KCNAB2: variants seen among roughly 807,000 people sequenced by gnomAD.
KCNAB2 encodes voltage-gated potassium channel subunit beta-2.
A neutral mutation model predicts 63.6 loss-of-function variants in KCNAB2; 29 were observed. The observed-to-expected ratio is 0.46, with a 90% CI of 0.34 to 0.62. KCNAB2 has a LOEUF of 0.62. Among genes scored for constraint, KCNAB2 ranks in the 20% least tolerant of loss-of-function variants. KCNAB2 has a pLI of 0.01. For synonymous variants in KCNAB2, 222 were observed against 224.2 expected (o/e 0.99, Z 0.09); for missense variants, 359 against 563.9 (o/e 0.64, Z 3.68).
chr1:6,085,191 T>C lies in KCNAB2; in HGVS notation c.381-13T>C. ...GTTTGGCTGTGATGAGAGCTCGGTG[T>C]CTTGTTTTGCAGGGCTGAAGTGGTA... On this transcript the variant is annotated splice_polypyrimidine_tract_variant and intron_variant, in intron 5 of 15. Coordinates refer to ENST00000378083, the MANE Select transcript of KCNAB2 (RefSeq NM_001199862.2). The C allele has an allele frequency of 6.2e-7, 1 of 1,613,830 alleles. No homozygotes were observed. Among genetic ancestry groups the C allele is most frequent in the Non-Finnish European group, 8.5e-7 (1 of 1,179,834 alleles).
chr1:6,084,998 T>TG (rs1231634894), intron 5 of KCNAB2, among the ~76,000 whole-genome samples: 1 of 152,018 alleles, frequency 6.6e-6, no homozygotes, highest in African/African-American at 2.4e-5. Context: ...GCCATCCTAG[T>TG]GGGGGGCAAT....
intron 5 of KCNAB2, 74 bp from the exon 6 acceptor site, chr1:6,085,130 G>A (rs1353793719): frequency 5.4e-6 from 8 of 1,486,558 alleles, no homozygotes; most frequent in East Asian, 2.3e-5. Context: ...GAACCAAGTG[G>A]CCAGTGGCCA....
In KCNAB2 at chr1:6,086,168, A is replaced by G. The variant is rs1372177539; in HGVS notation, c.425+920A>G. ...CGTCTTTATTTTCAGAAACATCAGA[A>G]GCAGTTATAAAGTTGGGCCTCCCTC... On this transcript the variant is annotated intron_variant, in intron 6 of 15. Coordinates refer to ENST00000378083, the MANE Select transcript of KCNAB2 (RefSeq NM_001199862.2). This position sits in a 1 kb window ranked among gnomAD's most constrained non-coding sequence, Gnocchi z 4.2. 23 of 985,360 alleles carry G rather than the reference A, an allele frequency of 2.3e-5. No individual in the cohort carries two copies. The highest frequency in any genetic ancestry group is 2.8e-5 in the Non-Finnish European group (23 of 829,880). The allele number at this position is 985,360 out of a possible 1,614,324, so 61.0% of individuals were successfully genotyped here. A position where few individuals can be genotyped will look rare whatever the true frequency, so the allele number is the denominator to read the frequency against.
chr1:6,090,277 T>C (rs929585580), intron 8 of KCNAB2, 112 bp from the exon 9 acceptor site: 1 of 689,802 alleles, frequency 1.4e-6, no homozygotes, highest in Admixed American at 2.9e-5. Context: ...AGCTTCCAGA[T>C]GCCAGAGGCC....
Position 6,015,628 on chromosome 1 carries a change from C to T in KCNAB2, c.-53+22840C>T, listed in dbSNP as rs1165139936. On this transcript the variant is annotated intron_variant, in intron 1 of 16. Coordinates refer to the KCNAB2 transcript ENST00000341524. ...GAAGACAGCTCCAGTGTCGATGGGG[C>T]TTGGGTCAGTGTTGGGTTTGCTATG... Among the ~76,000 whole-genome samples the T allele has an allele frequency of 3.9e-5, 6 of 152,226 alleles. 1 individual carries two copies. Among genetic ancestry groups the T allele is most frequent in the African/African-American group, 1.2e-4 (5 of 41,466 alleles).
chr1:5,993,845 G>A (rs1277051688), intron 1 of KCNAB2, among the ~76,000 whole-genome samples: 4 of 152,160 alleles, frequency 2.6e-5, no homozygotes, highest in Non-Finnish European at 4.4e-5. Flanking sequence ...TAGGGACCTG[G>A]CTACGGAGCT....
Position 6,094,425 on chromosome 1 carries a change from C to G in KCNAB2, c.672C>G (p.Val224=). 1 of 1,611,864 alleles carries G rather than the reference C, an allele frequency of 6.2e-7. No homozygotes were observed. The highest frequency in any genetic ancestry group is 8.5e-7 in the Non-Finnish European group (1 of 1,179,486). The part of the protein sequence containing the change: ...IEETVRAMTH[V]INQGMAMYWG... Reference sequence around the variant, plus strand: ...AGACCGTCCGCGCCATGACCCACGTCATCAACCAGGGGATGGCCATGTACT... The same window carrying G: ...AGACCGTCCGCGCCATGACCCACGTGATCAACCAGGGGATGGCCATGTACT... The change falls in exon 11 of 16, where the codon GTC becomes GTG. Residue 224 remains valine, a synonymous_variant. Coordinates refer to ENST00000378083, the MANE Select transcript of KCNAB2 (RefSeq NM_001199862.2).
chr1:6,008,633 A>AAG, intron 1 of KCNAB2, among the ~76,000 whole-genome samples: 1 of 151,602 alleles, frequency 6.6e-6, no homozygotes, highest in East Asian at 1.9e-4. Flanking sequence ...AAAAAAAAAA[A>AAG]AAAAGGATCA....
At chr1:6,034,599 G>A (rs755579801) in exon 1 of KCNAB2, 1 of 152,250 alleles carries the variant, frequency 6.6e-6, no homozygotes, top group Non-Finnish European at 1.5e-5. Flanking sequence ...GCTTGTCCCT[G>A]CACCTGTAGC....
chr1:6,031,806 T>C (rs1031059423), upstream of KCNAB2, among the ~76,000 whole-genome samples: 3 of 151,970 alleles, frequency 2.0e-5, no homozygotes, highest in African/African-American at 7.3e-5. The surrounding 1 kb of genome is among the most constrained non-coding windows in gnomAD (Gnocchi z 4.1). Flanking sequence ...GAAGGATCCC[T>C]TGAGCCCCAT....
rs572605639 is a variant in KCNAB2, at chr1:6,013,567, C to T, written c.-53+20779C>T. Among the ~76,000 whole-genome samples, 5 of 152,250 alleles carry T rather than the reference C, an allele frequency of 3.3e-5. No homozygotes were observed. In the East Asian group the frequency reaches 9.7e-4, roughly 29 times the overall value. On this transcript the variant is annotated intron_variant, in intron 1 of 16. Coordinates refer to the KCNAB2 transcript ENST00000341524. ...CACAGCCGCCACTGGCTCCAGGGCTCCCCCACACCACTGCACCCACAACTC... is the reference window on the plus strand; with the variant it reads ...CACAGCCGCCACTGGCTCCAGGGCTTCCCCACACCACTGCACCCACAACTC...
At chr1:6,027,046 C>T (rs1157328120) in intron 1 of KCNAB2, among the ~76,000 whole-genome samples, 1 of 152,218 alleles carries the variant, frequency 6.6e-6, no homozygotes, top group African/African-American at 2.4e-5. Flanking sequence ...CACTTCCCCA[C>T]CCTGCAACCC....
chr1:5,996,569 G>A (rs770819556), intron 1 of KCNAB2, among the ~76,000 whole-genome samples: 13 of 152,368 alleles, frequency 8.5e-5, no homozygotes, highest in Non-Finnish European at 1.5e-4. Context: ...CCACCCTGCC[G>A]GCTTCCCCGG....
intron 1 of KCNAB2, among the ~76,000 whole-genome samples, chr1:6,016,920 A>G (rs778617178): frequency 1.3e-5 from 2 of 152,200 alleles, no homozygotes; most frequent in Non-Finnish European, 2.9e-5. Context: ...TTTGTGTGTC[A>G]CATCCCCAGG....
rs375189784 is a variant in KCNAB2 at position 6,056,341 on chromosome 1, G to A, written c.218+4587G>A. On this transcript the variant is annotated intron_variant, in intron 2 of 15. Transcript: ENST00000378083. ...ATTACAGGCGTGAGCCACCGCGCCCGGCCTACACTTCCCCATTGTTTAAAC... is the reference window on the plus strand; with the variant it reads ...ATTACAGGCGTGAGCCACCGCGCCCAGCCTACACTTCCCCATTGTTTAAAC... Among the ~76,000 whole-genome samples, 505 of 152,280 alleles carry A rather than the reference G, an allele frequency of 3.3e-3. 1 individual carries two copies. The highest frequency in any genetic ancestry group is 0.01 in the African/African-American group (424 of 41,552).
chr1:5,997,689 C>G (rs1657017203), intron 1 of KCNAB2, among the ~76,000 whole-genome samples: 1 of 152,196 alleles, frequency 6.6e-6, no homozygotes. Flanking sequence ...AATTCTGCCT[C>G]GGAGCCCTGT....
intron 1 of KCNAB2, among the ~76,000 whole-genome samples, chr1:5,997,591 A>AC (rs1385174701): frequency 2.6e-5 from 4 of 151,592 alleles, no homozygotes; most frequent in East Asian, 3.9e-4. Context: ...TTCATTTTCC[A>AC]CCCCCGGGCA....
At position 6,099,601 on chromosome 1, in the gene KCNAB2, G is replaced by T; in HGVS notation, c.*1027G>T. ...TTCTCTAAAGCCGCCCGCCAGCCCA[G>T]GCCGCTGCTCTGCACCGAGCTGGTG... On this transcript the variant is annotated 3_prime_UTR_variant, in exon 16 of 16. Transcript: ENST00000378083. 1.5e-6 allele frequency: 1 copy of T among 658,406 alleles called. No homozygotes were observed. The highest frequency in any genetic ancestry group is 2.4e-6 in the Non-Finnish European group (1 of 424,548). 40.8% of individuals were successfully genotyped at this position (658,406 alleles called of 1,614,324 possible).
intron 1 of KCNAB2, among the ~76,000 whole-genome samples, chr1:6,015,243 T>C (rs1193826779): frequency 6.6e-6 from 1 of 152,070 alleles, no homozygotes; most frequent in African/African-American, 2.4e-5. Flanking sequence ...TTGGCCAGGC[T>C]GATTTCGAAC....
Sources: allele counts gnomAD v4.1 joint callset (sites outside exome capture counted in the v4.1 genomes callset), GRCh38; gene constraint gnomAD v4.1.1; non-coding constraint Gnocchi (gnomAD v3.1); transcripts MANE v1.5; gene names NCBI Gene and HGNC (gene_info 2026-07-23, HGNC 2026-07-21).